Variants in SLC2A9 observed in about 807,000 individuals in gnomAD.
SLC2A9 encodes solute carrier family 2, facilitated glucose transporter member 9.
Under a neutral mutation model 50.6 loss-of-function variants are expected in SLC2A9, and 39 were observed. That is an observed-to-expected ratio of 0.77 (90% CI 0.60 to 1.01). The LOEUF (loss-of-function observed/expected upper bound fraction) is 1.01. SLC2A9 is among the 50% of genes least tolerant of loss of function. SLC2A9 has a pLI of 0.00. For synonymous variants in SLC2A9, 324 were observed against 276.9 expected (o/e 1.17, Z -1.69); for missense variants, 686 against 677.6 (o/e 1.01, Z -0.14).
intron 3 of SLC2A9, among the ~76,000 whole-genome samples, chr4:9,814,557 A>T (rs1005824246): frequency 1.3e-5 from 2 of 152,152 alleles, no homozygotes; most frequent in African/African-American, 4.8e-5. Context: ...TGGTTCTGTG[A>T]ATTGATTGTG....
chr4:10,008,912 TTTTTTC>T (rs1761277385), intron 2 of SLC2A9, among the ~76,000 whole-genome samples: 2 of 151,426 alleles, frequency 1.3e-5, no homozygotes, highest in African/African-American at 4.8e-5. Flanking sequence ...TTTTTTTTTT[TTTTTTC>T]CTAATGGAAG....
At chr4:9,785,882 C>T (rs181665444) in intron 3 of SLC2A9, among the ~76,000 whole-genome samples, 9 of 152,218 alleles carry the variant, frequency 5.9e-5, no homozygotes, top group African/African-American at 2.2e-4. Flanking sequence ...TGCAAAAAAA[C>T]CCAGGGTGAG....
intron 8 of SLC2A9, among the ~76,000 whole-genome samples, chr4:9,904,242 T>C (rs1168770468): frequency 4.6e-5 from 7 of 152,182 alleles, no homozygotes; most frequent in African/African-American, 1.7e-4. Flanking sequence ...CTAGAATAGA[T>C]CTTGCAGTGC....
At chr4:9,827,720 G>T (rs574378024) in intron 11 of SLC2A9, among the ~76,000 whole-genome samples, 18 of 152,306 alleles carry the variant, frequency 1.2e-4, no homozygotes, top group African/African-American at 4.3e-4. Context: ...AGTGCCACAT[G>T]CAGTAAATGT....
chr4:9,773,638 C>T (rs2108818926), intron 1 of SLC2A9, among the ~76,000 whole-genome samples: 1 of 152,328 alleles, frequency 6.6e-6, no homozygotes, highest in Admixed American at 6.5e-5. Context: ...ACTATCATCC[C>T]CTGAGATCAG....
intron 9 of SLC2A9, among the ~76,000 whole-genome samples, chr4:9,888,115 T>TG (rs1736636521): frequency 1.7e-5 from 1 of 60,198 alleles, no homozygotes; most frequent in Non-Finnish European, 2.7e-5. Flanking sequence ...GGGGCCTGTT[T>TG]TGGGGGGTGG....
At chr4:9,931,016 G>A (rs560987433) in intron 6 of SLC2A9, among the ~76,000 whole-genome samples, 1 of 152,332 alleles carries the variant, frequency 6.6e-6, no homozygotes, top group African/African-American at 2.4e-5. Flanking sequence ...GGAGGGGACA[G>A]AGCTGATACC....
chr4:9,782,387 G>A (rs1256349931), intron 3 of SLC2A9: 1 of 1,613,924 alleles, frequency 6.2e-7, no homozygotes, highest in African/African-American at 1.3e-5. Context: ...GGTGGCCTTC[G>A]ACATCATGTG....
intron 10 of SLC2A9, among the ~76,000 whole-genome samples, chr4:9,842,469 T>C (rs1007935474): frequency 1.3e-5 from 2 of 152,222 alleles, no homozygotes; most frequent in Non-Finnish European, 2.9e-5. Flanking sequence ...TCTTTCTTCA[T>C]GACCAAACTA....
chr4:9,788,732 C>T (rs1479490955), intron 3 of SLC2A9, among the ~76,000 whole-genome samples: 1 of 152,092 alleles, frequency 6.6e-6, no homozygotes, highest in African/African-American at 2.4e-5. Context: ...ATTTAGGTTG[C>T]CCTAGATTTG....
At chr4:9,939,784 AG>A (rs1747787760) in intron 6 of SLC2A9, among the ~76,000 whole-genome samples, 1 of 152,066 alleles carries the variant, frequency 6.6e-6, no homozygotes, top group South Asian at 2.1e-4. Context: ...CCTGGGGGGC[AG>A]GAATGTCATC....
In SLC2A9 at chr4:9,834,022, C is replaced by T. The variant is rs566713753; in HGVS notation, c.1419+859G>A. 3.3e-5 allele frequency among the ~76,000 whole-genome samples: 5 copies of T among 152,298 alleles called. No homozygotes were observed. In the East Asian group the frequency reaches 9.7e-4, roughly 29 times the overall value. On this transcript the variant is annotated intron_variant, in intron 11 of 11. Coordinates refer to ENST00000264784, the MANE Select transcript of SLC2A9 (RefSeq NM_020041.3). ...TCCTCTCTCTCACCCATCTTTCTTG[C>T]TCACTCTGTTTCAGTCATATAGGCC...
chr4:10,023,960 T>C (rs1171534488), upstream of SLC2A9, among the ~76,000 whole-genome samples: 1 of 152,180 alleles, frequency 6.6e-6, no homozygotes, highest in East Asian at 1.9e-4. Context: ...CCAGATGTTC[T>C]GGGCTGGGGC....
At chr4:10,035,171 C>T (rs1325097512) in intron 1 of SLC2A9, 2 of 152,256 alleles carry the variant, frequency 1.3e-5, no homozygotes, top group Non-Finnish European at 2.9e-5. Context: ...GTAGTACTGA[C>T]AGTTGACCAG....
chr4:9,936,777 G>A (rs942335828), intron 6 of SLC2A9, among the ~76,000 whole-genome samples: 5 of 152,152 alleles, frequency 3.3e-5, no homozygotes, highest in Admixed American at 3.3e-4. Flanking sequence ...TGAGTGGCAG[G>A]ATGGAGTGAC....
downstream of SLC2A9, among the ~76,000 whole-genome samples, chr4:9,777,320 A>AATCTCC (rs1717701970): frequency 6.7e-6 from 1 of 150,012 alleles, no homozygotes; most frequent in Non-Finnish European, 1.5e-5. Flanking sequence ...TTTTAGATGG[A>AATCTCC]ATCTCCCTCT....
intron 5 of SLC2A9, among the ~76,000 whole-genome samples, chr4:9,972,022 C>T (rs1753987246): frequency 6.6e-6 from 1 of 152,200 alleles, no homozygotes; most frequent in Admixed American, 6.5e-5. Flanking sequence ...TCTTTAAAAT[C>T]CTTTGTCTTC....
chr4:9,836,136 T>TTGGGAACTC (rs1553834368), intron 10 of SLC2A9, among the ~76,000 whole-genome samples: 1 of 144,458 alleles, frequency 6.9e-6, no homozygotes, highest in Admixed American at 6.9e-5. Flanking sequence ...ACAACAGACT[T>TTGGGAACTC]TGGGAACTCG....
Position 10,018,928 on chromosome 4 carries a change from T to G in SLC2A9, c.249+47A>C, listed in dbSNP as rs959157946. ...CCAGGGCCCTTGCGCACCCGAAGGTTTCCGCAGGGCCGCAGCGCCCTCTGC... is the reference window on the plus strand; with the variant it reads ...CCAGGGCCCTTGCGCACCCGAAGGTGTCCGCAGGGCCGCAGCGCCCTCTGC... On this transcript the variant is annotated intron_variant, in intron 2 of 11. Coordinates refer to ENST00000264784, the MANE Select transcript of SLC2A9 (RefSeq NM_020041.3). The G allele has an allele frequency of 5.2e-6, 8 of 1,537,978 alleles. No homozygotes were observed. In the African/African-American group the frequency reaches 1.1e-4, roughly 21 times the overall value.
Sources: allele counts gnomAD v4.1 joint callset (sites outside exome capture counted in the v4.1 genomes callset), GRCh38; gene constraint gnomAD v4.1.1; transcripts MANE v1.5; gene names NCBI Gene and HGNC (gene_info 2026-07-23, HGNC 2026-07-21).